Variants in RPRD1A observed in about 807,000 individuals in gnomAD.
RPRD1A encodes regulation of nuclear pre-mRNA domain containing 1A.
In RPRD1A, 9 loss-of-function variants were observed where a neutral mutation model predicts 37.8. That is an observed-to-expected ratio of 0.24 (90% CI 0.14 to 0.42). The LOEUF (loss-of-function observed/expected upper bound fraction) is 0.42. RPRD1A is among the 10% of genes least tolerant of loss of function. RPRD1A has a pLI of 1.00. For missense variants in RPRD1A, 255 were observed against 371.0 expected (o/e 0.69, Z 2.57); for synonymous variants, 138 against 139.7 (o/e 0.99, Z 0.08).
chr18:36,066,599 C>A (rs2089036093), intron 1 of RPRD1A, among the ~76,000 whole-genome samples: 2 of 152,192 alleles, frequency 1.3e-5, no homozygotes, highest in African/African-American at 4.8e-5. Flanking sequence ...GGAACACTAT[C>A]AAATGTTTTG....
rs536007210 is a variant in RPRD1A, at chr18:36,037,402, A to G, written c.152-3565T>C. 1.4e-4 allele frequency among the ~76,000 whole-genome samples: 21 copies of G among 152,316 alleles called. No individual in the cohort carries two copies. In the South Asian group the frequency reaches 4.4e-3, roughly 32 times the overall value. On this transcript the variant is annotated intron_variant, in intron 1 of 6. Coordinates refer to ENST00000399022, the MANE Select transcript of RPRD1A (RefSeq NM_018170.5). ...TGTACTTCTTCCTGCCACCATGTGA[A>G]TAAGGACGTGTTTGCTTCCTCTTCT...
At chr18:36,003,809 G>GT (rs1415352146) in intron 6 of RPRD1A, among the ~76,000 whole-genome samples, 2 of 151,648 alleles carry the variant, frequency 1.3e-5, no homozygotes, top group African/African-American at 2.4e-5. Context: ...GTTTCTGTTT[G>GT]TTTTTTTAAG....
At chr18:36,005,107 G>A (rs1214614218) in intron 6 of RPRD1A, among the ~76,000 whole-genome samples, 1 of 152,054 alleles carries the variant, frequency 6.6e-6, no homozygotes, top group African/African-American at 2.4e-5. Context: ...CGAGACCATT[G>A]TGGCTAACAC....
chr18:36,034,581 T>C (rs1161290503), intron 1 of RPRD1A, among the ~76,000 whole-genome samples: 1 of 152,192 alleles, frequency 6.6e-6, no homozygotes, highest in East Asian at 1.9e-4. Context: ...GAAAACAGTG[T>C]TGAACATAAT....
chr18:36,056,919 AAAAT>A (rs1913812654), intron 1 of RPRD1A, among the ~76,000 whole-genome samples: 2 of 151,958 alleles, frequency 1.3e-5, no homozygotes, highest in African/African-American at 4.8e-5. Flanking sequence ...TTAACAAACA[AAAAT>A]AAATAAAAAA....
intron 4 of RPRD1A, among the ~76,000 whole-genome samples, chr18:36,029,826 G>A (rs558413379): frequency 2.5e-4 from 37 of 146,972 alleles, no homozygotes; most frequent in Non-Finnish European, 4.9e-4. Flanking sequence ...TTTTTTTTGA[G>A]ACGGAGTCTC....
Position 36,067,292 on chromosome 18 carries a change from C to T in RPRD1A, c.113G>A (p.Arg38His), listed in dbSNP as rs761774077. Residue 38 changes from arginine (R) to histidine (H), a missense_variant, in exon 1 of 7, where the codon CGT (arginine) becomes CAT (histidine). By Grantham distance (29) the Arg-to-His change is conservative (BLOSUM62 0). This residue lies in a region of RPRD1A where 44 missense variants were observed against 102.1 expected (regional missense o/e 0.43). Transcript: ENST00000399022. ...LWLIHHRKHS[R>H]PIVTVWEREL... ...CCGCTCCCACACGGTGACGATGGGA[C>T]GCGAGTGTTTACGGTGGTGAATGAG... 3 of 1,602,932 alleles carry T rather than the reference C, an allele frequency of 1.9e-6. No individual in the cohort carries two copies. The highest frequency in any genetic ancestry group is 2.6e-6 in the Non-Finnish European group (3 of 1,175,068).
Position 36,019,988 on chromosome 18 carries a change from T to G in RPRD1A, c.789+6912A>C, listed in dbSNP as rs574852338. 3.2e-4 allele frequency among the ~76,000 whole-genome samples: 49 copies of G among 152,146 alleles called. No homozygotes were observed. In the East Asian group the frequency reaches 4.1e-3, roughly 13 times the overall value. ...CCAGGAGGCAGAGGTTGCAGCGAGCTGAGATCACGCCACTGCAGTCCAGCC... is the reference window on the plus strand; with the variant it reads ...CCAGGAGGCAGAGGTTGCAGCGAGCGGAGATCACGCCACTGCAGTCCAGCC... On this transcript the variant is annotated intron_variant, in intron 6 of 6. Coordinates refer to ENST00000399022, the MANE Select transcript of RPRD1A (RefSeq NM_018170.5).
At chr18:36,062,070 C>A (rs1054965571) in intron 1 of RPRD1A, among the ~76,000 whole-genome samples, 2 of 152,048 alleles carry the variant, frequency 1.3e-5, no homozygotes, top group Non-Finnish European at 1.5e-5. Context: ...GTAATCCCAG[C>A]ACTTTGGGAG....
At chr18:36,062,928 G>A (rs2088945865) in intron 1 of RPRD1A, 1 of 152,180 alleles carries the variant, frequency 6.6e-6, no homozygotes, top group South Asian at 2.1e-4. Context: ...GATAAAAGGT[G>A]TGGTATGTGA....
intron 6 of RPRD1A, among the ~76,000 whole-genome samples, chr18:36,017,240 G>A (rs1598615263): frequency 6.6e-6 from 1 of 152,148 alleles, no homozygotes; most frequent in African/African-American, 2.4e-5. Flanking sequence ...GGTCGAGGGT[G>A]CAGTCAGTCA....
intron 1 of RPRD1A, among the ~76,000 whole-genome samples, chr18:36,059,851 T>A (rs7238356): frequency 0.13 from 19,280 of 152,236 alleles, 1,302 homozygotes; most frequent in African/African-American, 0.14. Flanking sequence ...TGGCTCAATA[T>A]TTGATATCTT....
chr18:36,044,480 G>C (rs542872009), intron 1 of RPRD1A, among the ~76,000 whole-genome samples: 1 of 152,204 alleles, frequency 6.6e-6, no homozygotes, highest in East Asian at 1.9e-4. Context: ...CAGAGGACAT[G>C]AGTTCGAGAC....
intron 6 of RPRD1A, among the ~76,000 whole-genome samples, chr18:35,995,773 C>A (rs1459612176): frequency 6.6e-6 from 1 of 152,136 alleles, no homozygotes; most frequent in Non-Finnish European, 1.5e-5. Context: ...ACAAACAATA[C>A]CTAAGCCATG....
intron 1 of RPRD1A, among the ~76,000 whole-genome samples, chr18:36,054,533 A>G (rs1367245597): frequency 1.3e-5 from 2 of 152,218 alleles, no homozygotes; most frequent in Non-Finnish European, 2.9e-5. Context: ...TAGTAAATCT[A>G]GATGAAGTGC....
At chr18:36,021,017 TCAA>T (rs1910958663) in intron 6 of RPRD1A, among the ~76,000 whole-genome samples, 1 of 152,180 alleles carries the variant, frequency 6.6e-6, no homozygotes, top group South Asian at 2.1e-4. Flanking sequence ...ACTTGTATTA[TCAA>T]CAACTAAAAG....
At chr18:35,995,803 A>G (rs1050284511) in intron 6 of RPRD1A, among the ~76,000 whole-genome samples, 1 of 152,208 alleles carries the variant, frequency 6.6e-6, no homozygotes, top group Non-Finnish European at 1.5e-5. Flanking sequence ...TCCTATCAAC[A>G]CTATCACTCA....
chr18:36,017,289 A>T (rs1435556924), intron 6 of RPRD1A, among the ~76,000 whole-genome samples: 4 of 152,074 alleles, frequency 2.6e-5, no homozygotes, highest in Admixed American at 1.3e-4. Context: ...TAACAGAGTG[A>T]GACCTTGTCT....
At chr18:36,030,511 G>C (rs963956114) in intron 4 of RPRD1A, among the ~76,000 whole-genome samples, 1 of 151,752 alleles carries the variant, frequency 6.6e-6, no homozygotes, top group Non-Finnish European at 1.5e-5. Flanking sequence ...AACAAAATAG[G>C]CATGTTTTGT....
Sources: gnomAD v4.1 joint callset for allele counts (sites outside exome capture counted in the v4.1 genomes callset) on GRCh38, gnomAD v4.1.1 for gene constraint, gnomAD v4.1.1 regional missense constraint, MANE v1.5 for transcripts, NCBI Gene and HGNC (gene_info 2026-07-23, HGNC 2026-07-21) for gene names.